RIBC2: variants seen among roughly 807,000 people sequenced by gnomAD.
The protein encoded by RIBC2 is RIB43A-like with coiled-coils protein 2.
Under a neutral mutation model 44.3 loss-of-function variants are expected in RIBC2, and 40 were observed. The observed-to-expected ratio is 0.90, with a 90% CI of 0.70 to 1.18. The LOEUF (loss-of-function observed/expected upper bound fraction) is 1.18, where lower values mean the gene tolerates loss of function less well. Ranked by LOEUF, RIBC2 falls within the 50% of genes most tolerant of loss-of-function variation. The pLI is 0.00. For synonymous variants in RIBC2, 171 were observed against 175.0 expected (o/e 0.98, Z 0.18); for missense variants, 459 against 485.5 (o/e 0.95, Z 0.51).
chr22:45,417,132 C>A (rs1424863100), intron 2 of RIBC2, among the ~76,000 whole-genome samples: 2 of 150,532 alleles, frequency 1.3e-5, no homozygotes, highest in Non-Finnish European at 3.0e-5. Context: ...TACTCCTGAT[C>A]TCAGGTGATC....
At chr22:45,430,200 G>T (rs2087566937) in intron 5 of RIBC2, among the ~76,000 whole-genome samples, 1 of 152,180 alleles carries the variant, frequency 6.6e-6, no homozygotes. Flanking sequence ...ACACATCCTT[G>T]CTTATTTGGC....
At chr22:45,421,616 T>G (rs1424876259) in intron 3 of RIBC2, among the ~76,000 whole-genome samples, 2 of 144,510 alleles carry the variant, frequency 1.4e-5, no homozygotes, top group Admixed American at 1.4e-4. Flanking sequence ...AATAATAATG[T>G]TATTATTCTG....
intron 6 of RIBC2, among the ~76,000 whole-genome samples, chr22:45,431,811 A>G (rs1387644680): frequency 2.0e-5 from 3 of 152,126 alleles, no homozygotes; most frequent in Non-Finnish European, 4.4e-5. Flanking sequence ...AAACTAAACT[A>G]AAAAGACAAA....
intron 5 of RIBC2, among the ~76,000 whole-genome samples, chr22:45,429,011 T>C (rs748858809): frequency 2.0e-5 from 3 of 151,876 alleles, no homozygotes; most frequent in East Asian, 3.9e-4. Context: ...CAGAGAGAGA[T>C]TGGAAAAGTG....
In RIBC2 at chr22:45,417,436, G is replaced by T. The variant is rs2087435435; in HGVS notation, c.212-166G>T. ...TCAGTGGCTCACTTCTATAATCCCA[G>T]TGACTCAGGAGGCTGAGGCAGAAAG... On this transcript the variant is annotated intron_variant, in intron 2 of 6. Coordinates refer to ENST00000614167, the MANE Select transcript of RIBC2 (RefSeq NM_015653.5). Among the ~76,000 whole-genome samples, 3 of 152,148 alleles carry T rather than the reference G, an allele frequency of 2.0e-5. No homozygotes were observed. The South Asian group carries it at 6.2e-4, about 32-fold the overall frequency.
intron 4 of RIBC2, among the ~76,000 whole-genome samples, chr22:45,423,072 C>A (rs555626449): frequency 2.6e-4 from 39 of 152,290 alleles, no homozygotes; most frequent in African/African-American, 9.1e-4. Context: ...GCCTCGACCT[C>A]CCAGGCTCAG....
chr22:45,420,814 C>G (rs1284198843), intron 3 of RIBC2, among the ~76,000 whole-genome samples: 1 of 152,212 alleles, frequency 6.6e-6, no homozygotes, highest in Non-Finnish European at 1.5e-5. Context: ...CTGAACAGAC[C>G]TCTGCCAAGA....
chr22:45,417,551 T>G lies in RIBC2; in HGVS notation c.212-51T>G. ...AATAAAAAATAAAATGGATTCAAAT[T>G]TATTTTTTCCTCTGAATCCTAAGCT... On this transcript the variant is annotated intron_variant, in intron 2 of 6. Transcript: ENST00000614167. 4 of 1,328,832 alleles carry G rather than the reference T, an allele frequency of 3.0e-6. 1 individual carries two copies. In the Middle Eastern group the frequency reaches 5.6e-4, roughly 187 times the overall value. 82.3% of individuals were successfully genotyped at this position (1,328,832 alleles called of 1,614,324 possible).
chr22:45,416,768 G>C (rs35453561), intron 2 of RIBC2, among the ~76,000 whole-genome samples: 7,768 of 151,676 alleles, frequency 0.051, 238 homozygotes, highest in Non-Finnish European at 0.078. Context: ...CCGCAAATGA[G>C]AGATCTTGTT....
Position 45,414,148 on chromosome 22 carries a change from A to G in RIBC2, c.129+133A>G, listed in dbSNP as rs2087392941. The G allele has an allele frequency of 3.4e-6, 5 of 1,480,846 alleles. No individual in the cohort carries two copies. The South Asian group carries it at 5.6e-5, about 17-fold the overall frequency. The allele number at this position is 1,480,846 out of a possible 1,614,324, so 91.7% of individuals were successfully genotyped here. On this transcript the variant is annotated intron_variant, in intron 1 of 6. Transcript: ENST00000614167. ...CAGCAAACGGCCTCCTGCAGGGCCA[A>G]TAATGCTCCCTCTCGAGCTCGCCTG...
At chr22:45,426,232 G>A (rs951297383) in intron 5 of RIBC2, 57 bp downstream of exon 5, 4 of 1,444,712 alleles carry the variant, frequency 2.8e-6, no homozygotes, top group African/African-American at 1.4e-5. Context: ...TGCTCCCACT[G>A]CCTTCCAGGC....
At chr22:45,418,817 ATCTTCTCCCAT>A (rs965593851) in intron 3 of RIBC2, among the ~76,000 whole-genome samples, 6 of 151,882 alleles carry the variant, frequency 4.0e-5, no homozygotes, top group Admixed American at 2.0e-4. Flanking sequence ...TCCCCAGATC[ATCTTCTCCCAT>A]TCTTCTCCCA....
At position 45,428,733 on chromosome 22, in the gene RIBC2, A is replaced by G. The variant is rs564605050; in HGVS notation, c.904-2167A>G. Among the ~76,000 whole-genome samples, 10 of 152,268 alleles carry G rather than the reference A, an allele frequency of 6.6e-5. No individual in the cohort carries two copies. In the South Asian group the frequency reaches 2.1e-3, roughly 32 times the overall value. On this transcript the variant is annotated intron_variant, in intron 5 of 6. Coordinates refer to ENST00000614167, the MANE Select transcript of RIBC2 (RefSeq NM_015653.5). ...GAGTTAGTGCTAAGTGGTCATCTAG[A>G]AGAGCTGGAGAGGGAACAGCCTGGA...
intron 4 of RIBC2, among the ~76,000 whole-genome samples, chr22:45,424,116 AC>A (rs1002677714): frequency 8.6e-5 from 13 of 151,792 alleles, no homozygotes; most frequent in African/African-American, 3.1e-4. Flanking sequence ...GTTTTCTCAG[AC>A]CCCCGGCTCC....
intron 3 of RIBC2, chr22:45,418,345 A>G (rs2087446477): frequency 6.2e-6 from 1 of 161,054 alleles, no homozygotes; most frequent in Non-Finnish European, 1.4e-5. Flanking sequence ...AGAAATTCCT[A>G]CAGGGGACTT....
At chr22:45,415,780 A>C (rs1385648402) in intron 2 of RIBC2, among the ~76,000 whole-genome samples, 1 of 152,064 alleles carries the variant, frequency 6.6e-6, no homozygotes, top group Non-Finnish European at 1.5e-5. Context: ...GCTCACCGCA[A>C]CCTCCGCCTC....
chr22:45,415,078 A>G (rs185320929), intron 2 of RIBC2, among the ~76,000 whole-genome samples: 1 of 152,226 alleles, frequency 6.6e-6, no homozygotes, highest in Admixed American at 6.5e-5. Context: ...GTGTCCAACA[A>G]TTTCAACAAT....
At chr22:45,418,006 GTTT>G in intron 3 of RIBC2, 60 bp downstream of exon 3, 44 of 597,524 alleles carry the variant, frequency 7.4e-5, no homozygotes, top group Admixed American at 1.1e-4. Context: ...CAACCCTACA[GTTT>G]TTTTTTTTTT....
chr22:45,417,857 G>T lies in RIBC2; in HGVS notation c.467G>T (p.Arg156Met). 2 of 1,614,092 alleles carry T rather than the reference G, an allele frequency of 1.2e-6. No individual in the cohort carries two copies. The highest frequency in any genetic ancestry group is 1.1e-5 in the South Asian group (1 of 91,084). ...FMGEDLNFHE[R>M]KKFQEEQNRE... ...GGAGAGGATTTAAACTTCCATGAGA[G>T]GAAGAAATTCCAAGAGGAACAAAAC... Residue 156 changes from arginine to methionine, a missense_variant, in exon 3 of 7, where the codon AGG becomes ATG. Physicochemically the swap from Arg to Met is moderately conservative, Grantham distance 91. Coordinates refer to ENST00000614167, the MANE Select transcript of RIBC2 (RefSeq NM_015653.5).
Sources: allele counts gnomAD v4.1 joint callset (sites outside exome capture counted in the v4.1 genomes callset), GRCh38; gene constraint gnomAD v4.1.1; transcripts MANE v1.5; gene names NCBI Gene and HGNC (gene_info 2026-07-23, HGNC 2026-07-21).